Variants in FABP6 observed in about 807,000 individuals in gnomAD.
The protein encoded by FABP6 is fatty acid binding protein 6.
FABP6 carries 13 observed loss-of-function variants against 14.9 expected under a neutral mutation model. The ratio of observed to expected loss-of-function variants is 0.87; its 90% CI spans 0.57 to 1.39. The LOEUF (loss-of-function observed/expected upper bound fraction) is 1.39, where lower values mean the gene tolerates loss of function less well. Ranked by LOEUF, FABP6 falls within the 40% of genes most tolerant of loss-of-function variation. The pLI, the probability that FABP6 is intolerant of heterozygous loss-of-function variation, is 0.00. For synonymous variants in FABP6, 75 were observed against 63.6 expected, an observed-to-expected ratio of 1.18 and a Z score of -0.85; for missense variants, 161 against 167.2, an observed-to-expected ratio of 0.96 and a Z score of 0.20.
At chr5:160,190,887 C>A (rs984445996) in intron 1 of FABP6, among the ~76,000 whole-genome samples, 1 of 151,254 alleles carries the variant, frequency 6.6e-6, no homozygotes, top group Non-Finnish European at 1.5e-5. Flanking sequence ...CCGAGGCGGG[C>A]GGATCATGAA....
chr5:160,193,932 G>A (rs879483137), intron 1 of FABP6, among the ~76,000 whole-genome samples: 4 of 152,256 alleles, frequency 2.6e-5, no homozygotes, highest in Admixed American at 6.5e-5. Context: ...GGGACTGGGC[G>A]CCGTGGGGCA....
In FABP6 at chr5:160,212,201, C is replaced by T. The variant is rs186211996; in HGVS notation, c.52-1535C>T. On this transcript the variant is annotated intron_variant, in intron 2 of 6. Transcript: ENST00000393980. Reference sequence around the variant, plus strand: ...ATGGAGTCTCTCTCTGTTGCCCAGGCTGGAGTGCAGTGTCACAATCTCGGC... The same window carrying T: ...ATGGAGTCTCTCTCTGTTGCCCAGGTTGGAGTGCAGTGTCACAATCTCGGC... Among the ~76,000 whole-genome samples, 146 of 152,124 alleles carry T rather than the reference C, an allele frequency of 9.6e-4. 1 individual carries two copies. The highest frequency in any genetic ancestry group is 1.9e-3 in the Non-Finnish European group (128 of 67,996).
intron 1 of FABP6, among the ~76,000 whole-genome samples, chr5:160,231,698 GA>G (rs1181301355): frequency 6.6e-6 from 1 of 152,094 alleles, no homozygotes; most frequent in Admixed American, 6.6e-5. Flanking sequence ...ACCTGGTCTT[GA>G]AAGTCTCATT....
chr5:160,190,834 C>T lies in FABP6; in HGVS notation c.-59+3380C>T, dbSNP rs145636706. On this transcript the variant is annotated intron_variant, in intron 1 of 6. Coordinates refer to the FABP6 transcript ENST00000393980. ...GATCTTTTAAAAATGCAAATCAGGC[C>T]GGGCACGGTGGCTCATGCCCATAAT... Among the ~76,000 whole-genome samples the T allele has an allele frequency of 2.3e-3, 355 of 152,150 alleles. 1 individual carries two copies. The highest frequency in any genetic ancestry group is 7.2e-3 in the African/African-American group (297 of 41,520).
intron 1 of FABP6, among the ~76,000 whole-genome samples, chr5:160,231,151 C>T (rs1040022053): frequency 6.6e-6 from 1 of 152,164 alleles, no homozygotes; most frequent in Non-Finnish European, 1.5e-5. Flanking sequence ...AGACCAGGGC[C>T]CTTGTGCCTT....
chr5:160,215,685 C>CAAA (rs112644160), intron 3 of FABP6, among the ~76,000 whole-genome samples: 7,203 of 103,856 alleles, frequency 0.069, 346 homozygotes, highest in East Asian at 0.36. Flanking sequence ...AAGACCTTGT[C>CAAA]AAAAAAAAAA....
At chr5:160,228,692 G>C (rs971818269), upstream of FABP6, 2 of 375,564 alleles carry the variant, frequency 5.3e-6, no homozygotes, top group African/African-American at 2.1e-5. Context: ...TTCTCCTCCA[G>C]GTGCGCTGCC....
upstream of FABP6, among the ~76,000 whole-genome samples, chr5:160,226,592 T>A (rs188937664): frequency 6.6e-6 from 1 of 151,560 alleles, no homozygotes; most frequent in Non-Finnish European, 1.5e-5. Flanking sequence ...TTTGGCAAGG[T>A]ATACTTTGTC....
chr5:160,196,777 G>T (rs6556479), intron 1 of FABP6: 99,877 of 152,064 alleles, frequency 0.66, 32,960 homozygotes, highest in East Asian at 0.78. Context: ...GTTTCACCGT[G>T]TTAGCCAGGA....
chr5:160,194,361 A>G (rs910171320), intron 1 of FABP6, among the ~76,000 whole-genome samples: 1 of 152,154 alleles, frequency 6.6e-6, no homozygotes, highest in African/African-American at 2.4e-5. Context: ...CCCACAGTGC[A>G]GTGGTGGGCT....
Position 160,238,674 on chromosome 5 carries a change from C to T in FABP6, c.*15C>T. ...GACTGGCCTAAGCAGCCAGGCCCGG[C>T]CCAGGGAGCTACAAACCCACCAATA... On this transcript the variant is annotated 3_prime_UTR_variant, in exon 4 of 4. Transcript: ENST00000402432. 6.2e-7 allele frequency: 1 copy of T among 1,613,154 alleles called. No homozygotes were observed. The highest frequency in any genetic ancestry group is 8.5e-7 in the Non-Finnish European group (1 of 1,179,228).
chr5:160,232,316 T>C, intron 2 of FABP6, 43 bp downstream of exon 2: 1 of 1,530,012 alleles, frequency 6.5e-7, no homozygotes, highest in Non-Finnish European at 8.8e-7. Context: ...CAGGCCTCCA[T>C]CTGACTTCTC....
intron 2 of FABP6, among the ~76,000 whole-genome samples, chr5:160,200,731 G>A (rs867756609): frequency 2.1e-4 from 32 of 152,290 alleles, no homozygotes; most frequent in African/African-American, 7.2e-4. Context: ...AGTTTGAGGA[G>A]AGGTCTGTGT....
intron 2 of FABP6, 65 bp from the exon 3 acceptor site, chr5:160,234,755 A>G: frequency 7.3e-7 from 1 of 1,363,398 alleles, no homozygotes; most frequent in South Asian, 1.4e-5. Flanking sequence ...TGCCCGCGCC[A>G]CCAGCCCCAG....
At chr5:160,204,138 C>CAA (rs67908380) in intron 2 of FABP6, among the ~76,000 whole-genome samples, 5 of 119,274 alleles carry the variant, frequency 4.2e-5, no homozygotes, top group South Asian at 2.6e-4. Context: ...GACTCCATCT[C>CAA]AAAAAAAAAA....
chr5:160,225,780 T>C (rs1760231506), upstream of FABP6, among the ~76,000 whole-genome samples: 2 of 152,044 alleles, frequency 1.3e-5, no homozygotes, highest in South Asian at 4.1e-4. Flanking sequence ...CAATATTGTA[T>C]TTATGTGGCG....
chr5:160,218,372 A>G (rs1580913910), intron 3 of FABP6, among the ~76,000 whole-genome samples: 1 of 151,974 alleles, frequency 6.6e-6, no homozygotes, highest in Non-Finnish European at 1.5e-5. Context: ...ATTCAAACCT[A>G]GGCAGCCTGT....
At chr5:160,209,891 T>C (rs140136162) in intron 2 of FABP6, among the ~76,000 whole-genome samples, 33 of 152,268 alleles carry the variant, frequency 2.2e-4, no homozygotes, top group African/African-American at 7.5e-4. Context: ...TATTCAGCTG[T>C]AGCAACAGAA....
chr5:160,197,237 C>A (rs1026176245), intron 1 of FABP6: 1 of 152,240 alleles, frequency 6.6e-6, no homozygotes, highest in Non-Finnish European at 1.5e-5. Flanking sequence ...CACTGCTTCA[C>A]CCTAGGCAGT....
Sources: allele counts gnomAD v4.1 joint callset (sites outside exome capture counted in the v4.1 genomes callset), GRCh38; gene constraint gnomAD v4.1.1; transcripts MANE v1.5; gene names NCBI Gene and HGNC (gene_info 2026-07-23, HGNC 2026-07-21).